Variants in FRMD8 observed in about 807,000 individuals in gnomAD.
FRMD8 encodes the protein FERM domain-containing protein 8.
Under a neutral mutation model 54.2 loss-of-function variants are expected in FRMD8, and 37 were observed. The observed-to-expected ratio is 0.68, with a 90% CI of 0.53 to 0.90. The LOEUF is 0.90. FRMD8 is among the 40% of genes least tolerant of loss of function. The pLI is 0.00. For missense variants in FRMD8, 585 were observed against 653.7 expected, an observed-to-expected ratio of 0.89 and a Z score of 1.15; for synonymous variants, 246 against 286.9, an observed-to-expected ratio of 0.86 and a Z score of 1.44.
chr11:65,378,521 C>T, the FRMD8 span: 5 of 152,078 alleles, frequency 3.3e-5, no homozygotes, highest in African/African-American at 4.8e-5. Flanking sequence ...ATGTGGCTCG[C>T]GGGGCTCAGG....
intron 10 of FRMD8, among the ~76,000 whole-genome samples, chr11:65,410,849 T>G (rs1856314753): frequency 6.6e-6 from 1 of 152,188 alleles, no homozygotes; most frequent in Non-Finnish European, 1.5e-5. Flanking sequence ...TACAGCAATA[T>G]GGTACTTTTG....
At chr11:65,403,252 A>G (rs1856119849) in intron 9 of FRMD8, among the ~76,000 whole-genome samples, 1 of 151,778 alleles carries the variant, frequency 6.6e-6, no homozygotes, top group Non-Finnish European at 1.5e-5. Flanking sequence ...GCGCGATTTC[A>G]GCTCACTGCA....
intron 10 of FRMD8, among the ~76,000 whole-genome samples, chr11:65,410,935 A>G (rs1347588535): frequency 6.6e-6 from 1 of 152,212 alleles, no homozygotes; most frequent in Non-Finnish European, 1.5e-5. Context: ...TGTTTTCCAG[A>G]CATCCCTCTG....
At chr11:65,384,948 C>T (rs182358661), upstream of FRMD8, among the ~76,000 whole-genome samples, 212 of 152,216 alleles carry the variant, frequency 1.4e-3, no homozygotes, top group African/African-American at 4.6e-3. Flanking sequence ...TGGCCTCAGG[C>T]GATCCTCCTG....
the FRMD8 span, among the ~76,000 whole-genome samples, chr11:65,372,874 G>A: frequency 6.6e-6 from 1 of 152,184 alleles, no homozygotes; most frequent in Non-Finnish European, 1.5e-5. Flanking sequence ...GACACCTGCT[G>A]TACCATCGCT....
intron 2 of FRMD8, among the ~76,000 whole-genome samples, chr11:65,388,995 A>T (rs1462807586): frequency 6.6e-6 from 1 of 152,190 alleles, no homozygotes; most frequent in Admixed American, 6.5e-5. Flanking sequence ...GTTCTTGTTC[A>T]GGGCAGAAGA....
the FRMD8 span, chr11:65,375,486 G>C: frequency 1.3e-5 from 2 of 152,486 alleles, no homozygotes; most frequent in Non-Finnish European, 2.9e-5. Context: ...GGGGATGGTA[G>C]AGTCAACCTG....
At chr11:65,379,441 G>T in the FRMD8 span, 2 of 1,613,764 alleles carry the variant, frequency 1.2e-6, no homozygotes, top group South Asian at 1.1e-5. Flanking sequence ...TGGGCCCGCC[G>T]CTCCTGGTGG....
intron 10 of FRMD8, among the ~76,000 whole-genome samples, chr11:65,409,802 C>T (rs1458535837): frequency 6.6e-6 from 1 of 151,754 alleles, no homozygotes; most frequent in Non-Finnish European, 1.5e-5. Context: ...TTATTAACGT[C>T]TTGGCTAGGC....
At chr11:65,395,445 A>G (rs1855933002) in intron 6 of FRMD8, among the ~76,000 whole-genome samples, 1 of 152,242 alleles carries the variant, frequency 6.6e-6, no homozygotes, top group African/African-American at 2.4e-5. Flanking sequence ...AGGCTGAGGC[A>G]GGAGAATTGC....
the FRMD8 span, among the ~76,000 whole-genome samples, chr11:65,371,638 G>T: frequency 6.6e-6 from 1 of 152,040 alleles, no homozygotes; most frequent in African/African-American, 2.4e-5. Context: ...TTTTTGAGAC[G>T]AAGTCTCGCT....
intron 7 of FRMD8, among the ~76,000 whole-genome samples, chr11:65,398,463 T>C (rs906955974): frequency 6.6e-6 from 1 of 152,220 alleles, no homozygotes; most frequent in African/African-American, 2.4e-5. Context: ...GGGAGGCAAG[T>C]GTGGGCCAGG....
At chr11:65,394,178 C>G in intron 5 of FRMD8, 79 bp downstream of exon 5, 1 of 1,598,334 alleles carries the variant, frequency 6.3e-7, no homozygotes, top group Non-Finnish European at 8.5e-7. Context: ...CCTGGACATT[C>G]GCACCTTGCC....
chr11:65,398,535 G>A (rs766531414), intron 7 of FRMD8, among the ~76,000 whole-genome samples: 7 of 152,260 alleles, frequency 4.6e-5, no homozygotes, highest in African/African-American at 1.4e-4. Flanking sequence ...AGCTCCTAGC[G>A]CATGCCCCGC....
At chr11:65,409,220 G>T (rs971494284) in intron 10 of FRMD8, among the ~76,000 whole-genome samples, 2 of 151,916 alleles carry the variant, frequency 1.3e-5, no homozygotes, top group African/African-American at 4.8e-5. Flanking sequence ...GCAAGTAGCT[G>T]GGATTGCAGG....
At chr11:65,380,507 CTCTGGGAGAA>C in the FRMD8 span, 4 of 1,386,952 alleles carry the variant, frequency 2.9e-6, no homozygotes, top group Non-Finnish European at 3.8e-6. Flanking sequence ...AGCCGCGGGA[CTCTGGGAGAA>C]TCACCCAGGT....
the FRMD8 span, chr11:65,379,505 G>A: frequency 4.3e-6 from 7 of 1,613,910 alleles, no homozygotes; most frequent in African/African-American, 2.7e-5. Context: ...ACAGGACAGA[G>A]TTGACCACAG....
intron 8 of FRMD8, 139 bp downstream of exon 8, chr11:65,399,998 TC>T: frequency 9.7e-7 from 1 of 1,026,324 alleles, no homozygotes; most frequent in Non-Finnish European, 1.4e-6. Context: ...CCGTTGGATG[TC>T]CTCGTAGCCC....
At position 65,405,078 on chromosome 11, in the gene FRMD8, C is replaced by A; in HGVS notation, c.1276+10C>A. ...GACTACGTGGAGGACGGTGAGCAGC[C>A]CTTCTGTGCATGTGCACACACAAAC... On this transcript the variant is annotated intron_variant, in intron 10 of 10. Coordinates refer to ENST00000317568, the MANE Select transcript of FRMD8 (RefSeq NM_031904.5). 6.2e-7 allele frequency: 1 copy of A among 1,612,872 alleles called. No individual in the cohort carries two copies. Among genetic ancestry groups the A allele is most frequent in the Non-Finnish European group, 8.5e-7 (1 of 1,179,568 alleles).
Sources: gnomAD v4.1 joint callset for allele counts (sites outside exome capture counted in the v4.1 genomes callset) on GRCh38, gnomAD v4.1.1 for gene constraint, MANE v1.5 for transcripts, NCBI Gene and HGNC (gene_info 2026-07-23, HGNC 2026-07-21) for gene names.